RNASEH1: variants seen among roughly 807,000 people sequenced by gnomAD.
RNASEH1 encodes ribonuclease H1, also known as ribonuclease H type II.
In RNASEH1, 27 loss-of-function variants were observed where a neutral mutation model predicts 34.6. That is an observed-to-expected ratio of 0.78 (90% CI 0.58 to 1.08). The LOEUF (loss-of-function observed/expected upper bound fraction) is 1.08, where lower values mean the gene tolerates loss of function less well. RNASEH1 is among the 50% of genes least tolerant of loss of function. The pLI is 0.00. For synonymous variants in RNASEH1, 162 were observed against 138.4 expected, an observed-to-expected ratio of 1.17 and a Z score of -1.20; for missense variants, 349 against 373.6, an observed-to-expected ratio of 0.93 and a Z score of 0.54.
chr2:3,533,655 TC>T, the RNASEH1 span: 3 of 152,204 alleles, frequency 2.0e-5, no homozygotes, highest in Non-Finnish European at 4.4e-5. Context: ...GGATGCCTGC[TC>T]CTCCAAGAGC....
At chr2:3,534,633 A>G in the RNASEH1 span, among the ~76,000 whole-genome samples, 2 of 152,248 alleles carry the variant, frequency 1.3e-5, no homozygotes, top group Non-Finnish European at 2.9e-5. Context: ...ATCCTGTGGC[A>G]AGCGTGGGAT....
chr2:3,554,245 C>T (rs1249304425), intron 2 of RNASEH1, among the ~76,000 whole-genome samples: 2 of 152,204 alleles, frequency 1.3e-5, no homozygotes, highest in Non-Finnish European at 2.9e-5. Context: ...AGGTACTCTA[C>T]TGAAGTAAAT....
chr2:3,555,732 A>C (rs938324963), intron 2 of RNASEH1, among the ~76,000 whole-genome samples: 3 of 94,192 alleles, frequency 3.2e-5, no homozygotes, highest in African/African-American at 1.2e-4. Flanking sequence ...TAGATCCAGA[A>C]ATATTTTTAA....
intron 2 of RNASEH1, 91 bp from the exon 3 acceptor site, chr2:3,552,399 C>T (rs1660031877): frequency 1.6e-6 from 2 of 1,284,318 alleles, no homozygotes; most frequent in Admixed American, 2.1e-5. Flanking sequence ...TATTTAGTAT[C>T]ATTAAATCAG....
At position 3,545,651 on chromosome 2, in the gene RNASEH1, G is replaced by C; in HGVS notation, c.*134C>G. On this transcript the variant is annotated 3_prime_UTR_variant, in exon 8 of 8. Coordinates refer to ENST00000315212, the MANE Select transcript of RNASEH1 (RefSeq NM_002936.6). The stretch of plus-strand genomic sequence containing the variant: ...AACACATGTCACAGAAGGCCACTGT[G>C]CCTGATTCCGTGTGAAAGACGCATC... 1 of 673,316 alleles carries C rather than the reference G, an allele frequency of 1.5e-6. No individual in the cohort carries two copies. Among genetic ancestry groups the C allele is most frequent in the East Asian group, 2.7e-5 (1 of 37,398 alleles). The allele number at this position is 673,316 out of a possible 1,614,324, so 41.7% of individuals were successfully genotyped here.
In RNASEH1 at chr2:3,545,721, C is replaced by G; in HGVS notation, c.*64G>C. On this transcript the variant is annotated 3_prime_UTR_variant, in exon 8 of 8. Coordinates refer to ENST00000315212, the MANE Select transcript of RNASEH1 (RefSeq NM_002936.6). ...CCTACCTGCAGGCTATTTTCCACACCAGTAAGTACAGGCAGCAAGACAGCC... is the reference window on the plus strand; with the variant it reads ...CCTACCTGCAGGCTATTTTCCACACGAGTAAGTACAGGCAGCAAGACAGCC... The G allele has an allele frequency of 1.8e-6, 2 of 1,099,464 alleles. No individual in the cohort carries two copies. The highest frequency in any genetic ancestry group is 2.8e-6 in the Non-Finnish European group (2 of 710,388). 68.1% of individuals were successfully genotyped at this position (1,099,464 alleles called of 1,614,324 possible).
At chr2:3,547,548 C>T (rs559910156) in intron 7 of RNASEH1, among the ~76,000 whole-genome samples, 8 of 150,450 alleles carry the variant, frequency 5.3e-5, no homozygotes, top group South Asian at 2.1e-4. Context: ...AGTGCAGTGG[C>T]GCGATCTCAG....
At chr2:3,549,218 A>G in intron 4 of RNASEH1, 106 bp from the exon 5 acceptor site, 1 of 925,658 alleles carries the variant, frequency 1.1e-6, no homozygotes, top group Admixed American at 1.9e-5. Context: ...TTTGAAATAT[A>G]AAAGCATCAT....
Position 3,558,207 on chromosome 2 carries a change from G to C in RNASEH1, c.54C>G (p.Cys18Trp). ...TCCCGAACCCGCGAGAGCCGCGGCG[G>C]CAGGGCAAGGCGGCCAAGGCGACTC... ...AHRVALAALP[C>W]RRGSRGFGMF... The change falls in exon 1 of 8, where the codon TGC (cysteine) becomes TGG (tryptophan). Residue 18 changes from cysteine (C) to tryptophan (W), a missense_variant. This residue lies in a region of RNASEH1 where 256 missense variants were observed against 240.7 expected (regional missense o/e 1.06). Transcript: ENST00000315212. The C allele has an allele frequency of 1.2e-6, 2 of 1,600,258 alleles. No individual in the cohort carries two copies. Among genetic ancestry groups the C allele is most frequent in the Non-Finnish European group, 1.7e-6 (2 of 1,175,460 alleles).
intron 7 of RNASEH1, among the ~76,000 whole-genome samples, chr2:3,546,356 T>C (rs1668749509): frequency 6.6e-6 from 1 of 152,038 alleles, no homozygotes; most frequent in Non-Finnish European, 1.5e-5. Context: ...GTTGAGACAG[T>C]GGCTGCAGTG....
intron 2 of RNASEH1, among the ~76,000 whole-genome samples, chr2:3,556,028 G>T (rs1300927481): frequency 6.6e-6 from 1 of 152,070 alleles, no homozygotes; most frequent in African/African-American, 2.4e-5. Context: ...ACAAAAATTA[G>T]CCGGGCGTGG....
the RNASEH1 span, among the ~76,000 whole-genome samples, chr2:3,532,728 T>A: frequency 6.0e-4 from 92 of 152,308 alleles, no homozygotes; most frequent in Non-Finnish European, 1.1e-3. Context: ...TTGACAGAAA[T>A]GTTGCTATGC....
chr2:3,549,067 C>T lies in RNASEH1; in HGVS notation c.555G>A (p.Ala185=), dbSNP rs770205192. 1.8e-5 allele frequency: 29 copies of T among 1,613,038 alleles called. No individual in the cohort carries two copies. In the Middle Eastern group the frequency reaches 4.9e-4, roughly 27 times the overall value. ...GTATCTGATAACTTACATGAATTTC[C>T]GCTCTTTGGTTTGTCTGCCGCCCAG... ...RLPGRQTNQR[A]EIHAACKAIE... The change falls in exon 5 of 8, where the codon GCG becomes GCA. Residue 185 remains alanine, a synonymous_variant. Transcript: ENST00000315212.
Position 3,550,982 on chromosome 2 carries a change from T to C in RNASEH1, c.410-510A>G, listed in dbSNP as rs375615222. 3.9e-5 allele frequency among the ~76,000 whole-genome samples: 6 copies of C among 152,312 alleles called. No individual in the cohort carries two copies. The East Asian group carries it at 9.6e-4, about 24-fold the overall frequency. On this transcript the variant is annotated intron_variant, in intron 3 of 7. Transcript: ENST00000315212. ...CTTCTTTCCCTCTAGATAGAGGGTA[T>C]GATTGACACACAAAGGCTGTAAAGA... is the stretch of plus-strand genomic sequence containing the variant.
At chr2:3,554,805 G>C (rs1660326020) in intron 2 of RNASEH1, among the ~76,000 whole-genome samples, 1 of 152,180 alleles carries the variant, frequency 6.6e-6, no homozygotes, top group African/African-American at 2.4e-5. Flanking sequence ...CAGGAACCCA[G>C]CAAAGAAGGA....
chr2:3,536,325 A>G, the RNASEH1 span, among the ~76,000 whole-genome samples: 1 of 152,176 alleles, frequency 6.6e-6, no homozygotes, highest in Non-Finnish European at 1.5e-5. Flanking sequence ...TGTAAAATAA[A>G]ACAAATGGGC....
chr2:3,538,246 G>A (rs1440177271), downstream of RNASEH1, among the ~76,000 whole-genome samples: 10 of 151,816 alleles, frequency 6.6e-5, no homozygotes, highest in Middle Eastern at 3.4e-3. Flanking sequence ...CAGCTACTCC[G>A]GAGGCTGAGG....
At chr2:3,547,455 G>A (rs1668863413) in intron 7 of RNASEH1, among the ~76,000 whole-genome samples, 1 of 150,852 alleles carries the variant, frequency 6.6e-6, no homozygotes, top group Non-Finnish European at 1.5e-5. Flanking sequence ...GGTTACAGAT[G>A]TGAACCACTG....
intron 7 of RNASEH1, among the ~76,000 whole-genome samples, chr2:3,546,757 C>T (rs1322175319): frequency 1.3e-5 from 2 of 152,118 alleles, no homozygotes; most frequent in Non-Finnish European, 2.9e-5. Flanking sequence ...GGCAACAGTG[C>T]GAGACTCCAT....
Sources: gnomAD v4.1 joint callset for allele counts (sites outside exome capture counted in the v4.1 genomes callset) on GRCh38, gnomAD v4.1.1 for gene constraint, gnomAD v4.1.1 regional missense constraint, MANE v1.5 for transcripts, NCBI Gene and HGNC (gene_info 2026-07-23, HGNC 2026-07-21) for gene names.